The following MRPL46 variants were observed in gnomAD, a reference collection of about 807,000 sequenced individuals.
MRPL46 encodes large ribosomal subunit protein mL46.
In MRPL46, 26 loss-of-function variants were observed where a neutral mutation model predicts 31.0. The ratio of observed to expected loss-of-function variants is 0.84; its 90% CI spans 0.61 to 1.16. The LOEUF (loss-of-function observed/expected upper bound fraction) is 1.16. Ranked by LOEUF, MRPL46 falls within the 50% of genes most tolerant of loss-of-function variation. The pLI is 0.00. For missense variants in MRPL46, 395 were observed against 340.0 expected, an observed-to-expected ratio of 1.16 and a Z score of -1.27; for synonymous variants, 159 against 141.3, an observed-to-expected ratio of 1.13 and a Z score of -0.89.
Position 88,467,305 on chromosome 15 carries a change from C to T in MRPL46, c.73G>A (p.Gly25Ser). ...GWRRFERLWAGSLSSRSLALA... is the reference protein window; with the variant it reads ...GWRRFERLWASSLSSRSLALA... ...GCCAGGCTGCGAGAGCTTAGACTGC[C>T]GGCCCAGAGCCTCTCGAACCGCCGC... Residue 25 changes from glycine (G) to serine (S), a missense_variant, in exon 1 of 4, where the codon GGC (glycine) becomes AGC (serine). Gly to Ser is a moderately conservative substitution (Grantham distance 56). Coordinates refer to ENST00000312475, the MANE Select transcript of MRPL46 (RefSeq NM_022163.4). The T allele has an allele frequency of 6.2e-7, 1 of 1,611,606 alleles. No homozygotes were observed. The highest frequency in any genetic ancestry group is 1.7e-4 in the Middle Eastern group (1 of 6,054).
At position 88,463,674 on chromosome 15, in the gene MRPL46, G is replaced by C. The variant is rs540680841; in HGVS notation, c.589+1029C>G. The C allele has an allele frequency of 1.3e-5, 2 of 152,308 alleles. No homozygotes were observed. Among genetic ancestry groups the C allele is most frequent in the East Asian group, 3.9e-4 (2 of 5,186 alleles). The allele number at this position is 152,308 out of a possible 1,614,324, so 9.4% of individuals were successfully genotyped here. A position where few individuals can be genotyped will look rare whatever the true frequency, so the allele number is the denominator to read the frequency against. The stretch of plus-strand genomic sequence containing the variant: ...AACTGTCTTAAAAACTGAGCAGTCA[G>C]GCCAGGAAGGAGTAAAGTATTTCAT... On this transcript the variant is annotated intron_variant, in intron 3 of 3. Coordinates refer to ENST00000312475, the MANE Select transcript of MRPL46 (RefSeq NM_022163.4). The surrounding 1 kb of genome is among the most constrained non-coding windows in gnomAD (Gnocchi z 5.4).
intron 3 of MRPL46, chr15:88,464,310 G>T: frequency 4.4e-6 from 1 of 225,376 alleles, no homozygotes; most frequent in Non-Finnish European, 8.7e-6. Context: ...AACAGATCAC[G>T]AGGGACTCAA....
chr15:88,462,156 T>TAAAA (rs568303203), intron 3 of MRPL46: 115 of 142,170 alleles, frequency 8.1e-4, no homozygotes, highest in African/African-American at 2.6e-3. Context: ...TTTCTCATAC[T>TAAAA]AAAAAAAAAA....
In MRPL46 at chr15:88,464,857, G is replaced by C; in HGVS notation, c.435C>G (p.Asp145Glu). The change falls in exon 3 of 4, where the codon GAC becomes GAG. Residue 145 changes from aspartate (D) to glutamate (E), a missense_variant. Physicochemically the swap from Asp to Glu is conservative, Grantham distance 45 (BLOSUM62 2). Transcript: ENST00000312475. ...CTAGCTTCCTGTTCAGGGATGTTCGGTCATTCTTTTCATCAGCTTCTACAG... is the reference window on the plus strand; with the variant it reads ...CTAGCTTCCTGTTCAGGGATGTTCGCTCATTCTTTTCATCAGCTTCTACAG... ...ARITEADEKNDRTSLNRKLDR... is the reference protein window; with the variant it reads ...ARITEADEKNERTSLNRKLDR... 6.2e-7 allele frequency: 1 copy of C among 1,613,732 alleles called. No individual in the cohort carries two copies. The highest frequency in any genetic ancestry group is 8.5e-7 in the Non-Finnish European group (1 of 1,179,840).
intron 3 of MRPL46, 117 bp from the exon 4 acceptor site, chr15:88,459,980 T>A: frequency 7.7e-7 from 1 of 1,295,830 alleles, no homozygotes; most frequent in Non-Finnish European, 1.1e-6. Context: ...GTAAAATCAA[T>A]CCCTAGGAAT....
chr15:88,466,961 T>C (rs957221089), intron 1 of MRPL46, among the ~76,000 whole-genome samples, 189 bp downstream of exon 1: 1 of 152,218 alleles, frequency 6.6e-6, no homozygotes, highest in African/African-American at 2.4e-5. Context: ...AAGAGTTGTC[T>C]AAGGTGACAA....
In MRPL46 at chr15:88,459,714, C is replaced by A; in HGVS notation, c.739G>T (p.Gly247Trp). ...ACCCACACATGATGGCCCTTATTCC[C>A]AGCCTGGGAAAAGTCTCCAGTTAAT... ...LLLTGDFSQA[G>W]NKGHHVWVTK... is the part of the protein sequence containing the mutation. Residue 247 changes from glycine (G) to tryptophan (W), a missense_variant, in exon 4 of 4, where the codon GGG (glycine) becomes TGG (tryptophan). Gly to Trp is a radical substitution (Grantham distance 184, BLOSUM62 -2). Transcript: ENST00000312475. 6.2e-7 allele frequency: 1 copy of A among 1,614,206 alleles called. No individual in the cohort carries two copies. The highest frequency in any genetic ancestry group is 1.7e-5 in the Admixed American group (1 of 60,022).
At position 88,465,656 on chromosome 15, in the gene MRPL46, G is replaced by A; in HGVS notation, c.346C>T (p.Leu116=). 1.2e-6 allele frequency: 2 copies of A among 1,613,052 alleles called. No individual in the cohort carries two copies. The highest frequency in any genetic ancestry group is 2.2e-5 in the East Asian group (1 of 44,874). Residue 116 remains leucine, a synonymous_variant, in exon 2 of 4, where the codon CTG becomes TTG. Transcript: ENST00000312475. ...CACATATCTTCCAAATCTTGCGCCAGCAATATATCCTGTTCATCTTCTTCA... is the reference window on the plus strand; with the variant it reads ...CACATATCTTCCAAATCTTGCGCCAACAATATATCCTGTTCATCTTCTTCA... The part of the protein sequence containing the change: ...HDEEDEQDIL[L]AQDLEDMWEQ...
chr15:88,460,100 T>A (rs973237383), intron 3 of MRPL46: 61 of 533,296 alleles, frequency 1.1e-4, no homozygotes, highest in Non-Finnish European at 1.8e-4. Flanking sequence ...AGCTACTGTT[T>A]TTAGACTGAA....
chr15:88,467,319 T>C lies in MRPL46; in HGVS notation c.59A>G (p.Glu20Gly), dbSNP rs556234530. Residue 20 changes from glutamate (E) to glycine (G), a missense_variant, in exon 1 of 4, where the codon GAG becomes GGG. Glu to Gly is a moderately conservative substitution (Grantham distance 98, BLOSUM62 -2). Transcript: ENST00000312475. ...GCTTAGACTGCCGGCCCAGAGCCTC[T>C]CGAACCGCCGCCAACCCCCCGCCAC... ...LGVAGGWRRFERLWAGSLSSR... is the reference protein window; with the variant it reads ...LGVAGGWRRFGRLWAGSLSSR... The C allele has an allele frequency of 9.3e-6, 15 of 1,608,582 alleles. No individual in the cohort carries two copies. The African/African-American group carries it at 1.7e-4, about 19-fold the overall frequency.
Position 88,467,312 on chromosome 15 carries a change from G to A in MRPL46, c.66C>T (p.Leu22=), listed in dbSNP as rs1436366608. 3 of 1,610,450 alleles carry A rather than the reference G, an allele frequency of 1.9e-6. No homozygotes were observed. Among genetic ancestry groups the A allele is most frequent in the African/African-American group, 2.7e-5 (2 of 74,850 alleles). The part of the protein sequence containing the change: ...VAGGWRRFER[L]WAGSLSSRSL... ...TGCGAGAGCTTAGACTGCCGGCCCA[G>A]AGCCTCTCGAACCGCCGCCAACCCC... Residue 22 remains leucine, a synonymous_variant, in exon 1 of 4, where the codon CTC becomes CTT. Coordinates refer to ENST00000312475, the MANE Select transcript of MRPL46 (RefSeq NM_022163.4).
At chr15:88,466,466 T>C (rs772557057) in intron 1 of MRPL46, among the ~76,000 whole-genome samples, 8 of 152,250 alleles carry the variant, frequency 5.3e-5, no homozygotes, top group Admixed American at 1.3e-4. Flanking sequence ...TTCTGCCTTA[T>C]TCATTACAGC....
intron 1 of MRPL46, among the ~76,000 whole-genome samples, chr15:88,466,438 TCTGAGAACCAGAG>T (rs1260257851): frequency 3.3e-5 from 5 of 152,242 alleles, no homozygotes; most frequent in African/African-American, 9.6e-5. Flanking sequence ...ACTGAAGTAC[TCTGAGAACCAGAG>T]CTACTTCTGC....
intron 3 of MRPL46, 56 bp downstream of exon 3, chr15:88,464,647 C>T (rs1352276233): frequency 2.4e-6 from 3 of 1,230,432 alleles, no homozygotes; most frequent in Non-Finnish European, 3.4e-6. Flanking sequence ...CCTAAAAATC[C>T]TCTGGCTGAG....
rs745655418 is a variant in MRPL46, at chr15:88,467,246, T to C, written c.132A>G (p.Pro44=). The stretch of plus-strand genomic sequence containing the variant: ...GGCACAACGCGCCCAACAAGCGCCA[T>C]GGGGATCCGTTGCTTGAGGGTGCGG... ...LAAAPSSNGS[P]WRLLGALCLQ... The change falls in exon 1 of 4, where the codon CCA becomes CCG. Residue 44 remains proline, a synonymous_variant. Coordinates refer to ENST00000312475, the MANE Select transcript of MRPL46 (RefSeq NM_022163.4). The C allele has an allele frequency of 2.5e-6, 4 of 1,614,080 alleles. No homozygotes were observed. Among genetic ancestry groups the C allele is most frequent in the East Asian group, 2.2e-5 (1 of 44,876 alleles).
chr15:88,465,318 G>A (rs2142198190), intron 2 of MRPL46: 4 of 432,668 alleles, frequency 9.2e-6, no homozygotes, highest in Non-Finnish European at 1.6e-5. Flanking sequence ...GGCTTCATTT[G>A]CCCCACTCTC....
In MRPL46 at chr15:88,459,876, G is replaced by GA. The variant is rs761057525; in HGVS notation, c.590-14dup. The GA allele has an allele frequency of 6.2e-7, 1 of 1,613,190 alleles. No homozygotes were observed. The highest frequency in any genetic ancestry group is 1.7e-5 in the Admixed American group (1 of 59,886). On this transcript the variant is annotated splice_polypyrimidine_tract_variant and intron_variant, in intron 3 of 3. Coordinates refer to ENST00000312475, the MANE Select transcript of MRPL46 (RefSeq NM_022163.4). ...TCCATGTTGTTTTCTGAAGAGGGAGGAAAGAAAAATCACAATTGGAAGGTA... is the reference window on the plus strand; with the variant it reads ...TCCATGTTGTTTTCTGAAGAGGGAGGAAAAGAAAAATCACAATTGGAAGGTA...
At chr15:88,467,111 AG>A in intron 1 of MRPL46, 38 bp downstream of exon 1, 1 of 1,595,566 alleles carries the variant, frequency 6.3e-7, no homozygotes, top group Non-Finnish European at 8.6e-7. Context: ...AAAGTCACGC[AG>A]AATAAACGTC....
intron 3 of MRPL46, 178 bp downstream of exon 3, chr15:88,464,525 A>T (rs539155342): frequency 2.2e-5 from 11 of 504,666 alleles, no homozygotes; most frequent in African/African-American, 6.8e-5. Context: ...AAATAAAAAT[A>T]AAAAAAAAAT....
Sources: gnomAD v4.1 joint callset for allele counts (sites outside exome capture counted in the v4.1 genomes callset) on GRCh38, gnomAD v4.1.1 for gene constraint, Gnocchi (gnomAD v3.1) non-coding constraint, MANE v1.5 for transcripts, NCBI Gene and HGNC (gene_info 2026-07-23, HGNC 2026-07-21) for gene names.